Variants in CDH20 observed in about 807,000 individuals in gnomAD.
CDH20 encodes the protein cadherin-20.
A neutral mutation model predicts 74.2 loss-of-function variants in CDH20; 29 were observed. The ratio of observed to expected loss-of-function variants is 0.39; its 90% CI spans 0.29 to 0.53. The LOEUF (loss-of-function observed/expected upper bound fraction) is 0.53. Ranked by LOEUF, CDH20 falls within the 20% of genes least tolerant of loss-of-function variation. CDH20 has a pLI of 0.69. For missense variants in CDH20, 988 were observed against 1,048.3 expected (o/e 0.94, Z 0.79); for synonymous variants, 469 against 405.4 (o/e 1.16, Z -1.88).
intron 1 of CDH20, among the ~76,000 whole-genome samples, chr18:61,433,561 A>G (rs953918051): frequency 6.6e-5 from 10 of 152,190 alleles, no homozygotes; most frequent in Admixed American, 4.6e-4. Flanking sequence ...CATGAGGCCA[A>G]TGATATCCTT....
chr18:61,379,070 T>C (rs1045883603), intron 1 of CDH20, among the ~76,000 whole-genome samples: 1 of 152,178 alleles, frequency 6.6e-6, no homozygotes, highest in Admixed American at 6.6e-5. Context: ...AATCTACAAT[T>C]AGGTTTTTCC....
rs558042305 is a variant in CDH20 at position 61,469,372 on chromosome 18, C to T, written c.-152-21030C>T. ...AGTTGGATGAGAATGAATACACACA[C>T]ACACACACACACACACACACACACA... On this transcript the variant is annotated intron_variant, in intron 1 of 11. Transcript: ENST00000262717. Among the ~76,000 whole-genome samples, 48 of 142,518 alleles carry T rather than the reference C, an allele frequency of 3.4e-4. 1 individual carries two copies. In the East Asian group the frequency reaches 9.5e-3, roughly 28 times the overall value. 93.5% of individuals were successfully genotyped at this position (142,518 alleles called of 152,430 possible).
At chr18:61,407,639 G>C (rs999185889) in intron 1 of CDH20, among the ~76,000 whole-genome samples, 2 of 152,168 alleles carry the variant, frequency 1.3e-5, no homozygotes, top group Non-Finnish European at 2.9e-5. Context: ...TTTAGCCCCC[G>C]ATAGAATGTA....
chr18:61,387,201 GA>G (rs1464957756), intron 1 of CDH20, among the ~76,000 whole-genome samples: 1 of 152,144 alleles, frequency 6.6e-6, no homozygotes, highest in African/African-American at 2.4e-5. Context: ...TAATGCCAAT[GA>G]CCAACAATGT....
At chr18:61,522,578 T>C (rs1912250096) in intron 6 of CDH20, among the ~76,000 whole-genome samples, 1 of 152,204 alleles carries the variant, frequency 6.6e-6, no homozygotes, top group Non-Finnish European at 1.5e-5. Context: ...GAATTTCATA[T>C]GGATCCAAAA....
intron 1 of CDH20, among the ~76,000 whole-genome samples, chr18:61,343,082 T>C (rs2144095242): frequency 6.6e-6 from 1 of 152,238 alleles, no homozygotes; most frequent in East Asian, 1.9e-4. Flanking sequence ...TCCTTGAGGG[T>C]AAGGACAGGA....
intron 5 of CDH20, 84 bp from the exon 6 acceptor site, chr18:61,507,289 C>A: frequency 7.9e-7 from 1 of 1,262,100 alleles, no homozygotes; most frequent in Non-Finnish European, 1.1e-6. Context: ...AGATATTTTG[C>A]ACAGCACTCC....
At chr18:61,479,466 C>T (rs1407651546) in intron 1 of CDH20, among the ~76,000 whole-genome samples, 2 of 152,202 alleles carry the variant, frequency 1.3e-5, no homozygotes, top group African/African-American at 2.4e-5. Context: ...ACTCTCCCCT[C>T]CTTCGCCCTT....
rs1257151953 is a variant in CDH20 at position 61,353,078 on chromosome 18, T to A, written c.-153+19251T>A. 6.6e-6 allele frequency among the ~76,000 whole-genome samples: 1 copy of A among 152,206 alleles called. No individual in the cohort carries two copies. Among genetic ancestry groups the A allele is most frequent in the Non-Finnish European group, 1.5e-5 (1 of 68,028 alleles). ...CATGCTGTCCATAGCTTCTATTTTA[T>A]GGCTACCCTGGTCACCTCCCCTGCA... is the stretch of plus-strand genomic sequence containing the variant. On this transcript the variant is annotated intron_variant, in intron 1 of 11. Transcript: ENST00000262717. The surrounding 1 kb of genome is among the most constrained non-coding windows in gnomAD (Gnocchi z 4.6).
intron 1 of CDH20, among the ~76,000 whole-genome samples, chr18:61,418,128 T>G (rs1912752512): frequency 6.6e-6 from 1 of 152,196 alleles, no homozygotes; most frequent in African/African-American, 2.4e-5. Flanking sequence ...ATTTTAGAAG[T>G]AATCTTGCCC....
intron 1 of CDH20, among the ~76,000 whole-genome samples, chr18:61,398,034 C>G (rs1912040618): frequency 3.9e-5 from 6 of 152,226 alleles, no homozygotes. Flanking sequence ...CTAGCTAAGT[C>G]AGAGTGCAAC....
At chr18:61,542,616 T>C (rs1913080775) in intron 9 of CDH20, among the ~76,000 whole-genome samples, 1 of 152,220 alleles carries the variant, frequency 6.6e-6, no homozygotes, top group Non-Finnish European at 1.5e-5. Context: ...GTGGTGACCA[T>C]GGGTGTCTCA....
Position 61,490,458 on chromosome 18 carries a change from G to T in CDH20, c.-96G>T. 1 of 1,224,116 alleles carries T rather than the reference G, an allele frequency of 8.2e-7. No individual in the cohort carries two copies. 75.8% of individuals were successfully genotyped at this position (1,224,116 alleles called of 1,614,324 possible). ...GGGATCTCATTTAGGAAGCATAAGT[G>T]TCCAATCAAAAACTGTGTATTTTTT... On this transcript the variant is annotated 5_prime_UTR_variant, in exon 2 of 12. Coordinates refer to ENST00000262717, the MANE Select transcript of CDH20 (RefSeq NM_031891.4).
chr18:61,466,399 T>TA (rs1263757476), intron 1 of CDH20, among the ~76,000 whole-genome samples: 1 of 152,188 alleles, frequency 6.6e-6, no homozygotes, highest in African/African-American at 2.4e-5. Context: ...TGCATTTCTT[T>TA]AAAAATGAGT....
intron 2 of CDH20, among the ~76,000 whole-genome samples, chr18:61,491,830 T>C (rs752152694): frequency 3.9e-5 from 6 of 151,998 alleles, no homozygotes; most frequent in Non-Finnish European, 8.8e-5. Context: ...CTGTCTCTCC[T>C]TGACTCATTG....
chr18:61,339,360 TACACACACACACACACACAC>T (rs35630137), intron 1 of CDH20, among the ~76,000 whole-genome samples: 1 of 145,846 alleles, frequency 6.9e-6, no homozygotes, highest in Admixed American at 6.9e-5. Context: ...GCAAGTTTAT[TACACACACACACACACACAC>T]ACACACACAC....
intron 1 of CDH20, among the ~76,000 whole-genome samples, chr18:61,480,583 C>T (rs2144276638): frequency 6.6e-6 from 1 of 152,298 alleles, no homozygotes; most frequent in Middle Eastern, 3.4e-3. Context: ...AGGAGGGACT[C>T]ATATATGCAT....
chr18:61,445,213 T>G (rs1390433462), intron 1 of CDH20, among the ~76,000 whole-genome samples: 1 of 152,048 alleles, frequency 6.6e-6, no homozygotes, highest in African/African-American at 2.4e-5. Flanking sequence ...ATTTATTTAG[T>G]GCCTACCATG....
At chr18:61,538,588 G>GTTTTTTTTTTTTTTTTTTTTTTT (rs1265851069) in intron 8 of CDH20, among the ~76,000 whole-genome samples, 1 of 55,124 alleles carries the variant, frequency 1.8e-5, no homozygotes, top group Non-Finnish European at 3.5e-5. Flanking sequence ...CTTTTTGTTT[G>GTTTTTTTTTTTTTTTTTTTTTTT]TTTGTTTGTT....
Sources: allele counts gnomAD v4.1 joint callset (sites outside exome capture counted in the v4.1 genomes callset), GRCh38; gene constraint gnomAD v4.1.1; non-coding constraint Gnocchi (gnomAD v3.1); transcripts MANE v1.5; gene names NCBI Gene and HGNC (gene_info 2026-07-23, HGNC 2026-07-21).